The following RHOT1 variants were observed in gnomAD, a reference collection of about 807,000 sequenced individuals.
RHOT1 encodes the protein ras homolog family member T1.
In RHOT1, 27 loss-of-function variants were observed where a neutral mutation model predicts 95.3. The observed-to-expected ratio is 0.28, with a 90% CI of 0.21 to 0.39. The LOEUF (loss-of-function observed/expected upper bound fraction) is 0.39. Among genes scored for constraint, RHOT1 ranks in the 10% least tolerant of loss-of-function variants. The pLI is 1.00. For synonymous variants in RHOT1, 227 were observed against 263.5 expected, an observed-to-expected ratio of 0.86 and a Z score of 1.34; for missense variants, 578 against 786.7, an observed-to-expected ratio of 0.73 and a Z score of 3.17.
chr17:32,173,710 T>TAAAAA, intron 2 of RHOT1, 121 bp from the exon 3 acceptor site: 1 of 589,670 alleles, frequency 1.7e-6, no homozygotes, highest in Non-Finnish European at 2.9e-6. Flanking sequence ...GAGACTCCAT[T>TAAAAA]AAAAAAAAAA....
chr17:32,187,372 GTAGC>G (rs1567695685), intron 8 of RHOT1, among the ~76,000 whole-genome samples: 1 of 151,792 alleles, frequency 6.6e-6, no homozygotes, highest in African/African-American at 2.4e-5. Context: ...AGCCTCCTGA[GTAGC>G]TGGGATTACA....
At chr17:32,214,988 C>T (rs1338470384) in intron 19 of RHOT1, among the ~76,000 whole-genome samples, 1 of 146,034 alleles carries the variant, frequency 6.8e-6, no homozygotes, top group African/African-American at 2.5e-5. Context: ...CTCACTGCAA[C>T]CTCCACCTCC....
At chr17:32,172,910 G>A (rs577515648) in intron 2 of RHOT1, 1 of 152,352 alleles carries the variant, frequency 6.6e-6, no homozygotes, top group African/African-American at 2.4e-5. Context: ...GGAAATGAAT[G>A]TTGATAACCT....
At chr17:32,201,901 GTGTTTGTTTGTT>G (rs35875636) in intron 14 of RHOT1, among the ~76,000 whole-genome samples, 2 of 151,090 alleles carry the variant, frequency 1.3e-5, no homozygotes, top group Non-Finnish European at 2.9e-5. Context: ...TAAGGAGGTT[GTGTTTGTTTGTT>G]TGTTTGTTTG....
chr17:32,206,479 T>TCTTG (rs1310550115), intron 16 of RHOT1, among the ~76,000 whole-genome samples: 4 of 134,536 alleles, frequency 3.0e-5, no homozygotes, highest in Non-Finnish European at 6.3e-5. Flanking sequence ...TGAGACTGAG[T>TCTTG]CTTGCTCTGT....
At chr17:32,177,198 C>T (rs1256227586) in intron 6 of RHOT1, among the ~76,000 whole-genome samples, 1 of 152,038 alleles carries the variant, frequency 6.6e-6, no homozygotes, top group African/African-American at 2.4e-5. Context: ...AGTAGGCTCT[C>T]GTCAGTTGTG....
chr17:32,156,250 G>A (rs933154039), intron 1 of RHOT1, among the ~76,000 whole-genome samples: 2 of 152,122 alleles, frequency 1.3e-5, no homozygotes, highest in African/African-American at 2.4e-5. Flanking sequence ...TATATCTTAC[G>A]TAGTGGTGTG....
At chr17:32,197,285 G>A (rs1471188786) in intron 11 of RHOT1, among the ~76,000 whole-genome samples, 1 of 151,588 alleles carries the variant, frequency 6.6e-6, no homozygotes, top group Non-Finnish European at 1.5e-5. Flanking sequence ...CTGGAGTGCA[G>A]TGGCACAATC....
intron 11 of RHOT1, among the ~76,000 whole-genome samples, chr17:32,194,822 T>C (rs2142782373): frequency 6.6e-6 from 1 of 151,268 alleles, no homozygotes; most frequent in South Asian, 2.1e-4. Flanking sequence ...GTGGTTCTTT[T>C]TCTTTCTTTT....
rs771003615 is a variant in RHOT1, at chr17:32,207,354, A to C, written c.1536+325A>C. On this transcript the variant is annotated intron_variant, in intron 17 of 19. Transcript: ENST00000545287. ...TGAAAAAAAAGAGTAGTACATATGG[A>C]TTATATATTGCCAAATATACCAAGA... is the stretch of plus-strand genomic sequence containing the variant. 106 of 205,352 alleles carry C rather than the reference A, an allele frequency of 5.2e-4. 1 individual carries two copies. Among genetic ancestry groups the C allele is most frequent in the Non-Finnish European group, 8.7e-4 (90 of 103,044 alleles). The allele number at this position is 205,352 out of a possible 1,614,324, so 12.7% of individuals were successfully genotyped here. A position where few individuals can be genotyped will look rare whatever the true frequency, so the allele number is the denominator to read the frequency against.
chr17:32,165,211 C>T (rs1389486120), intron 1 of RHOT1, among the ~76,000 whole-genome samples: 2 of 151,844 alleles, frequency 1.3e-5, no homozygotes, highest in Non-Finnish European at 2.9e-5. Flanking sequence ...GTGGCAGGTG[C>T]CTGTAGTCCC....
At chr17:32,175,818 C>A in intron 4 of RHOT1, 144 bp from the exon 5 acceptor site, 3 of 533,340 alleles carry the variant, frequency 5.6e-6, no homozygotes, top group Non-Finnish European at 6.4e-6. Flanking sequence ...CTCTTAGAGG[C>A]AAGCTAATTC....
chr17:32,211,414 A>C (rs994804029), intron 19 of RHOT1, 176 bp downstream of exon 19: 1 of 463,210 alleles, frequency 2.2e-6, no homozygotes, highest in East Asian at 3.3e-5. Context: ...ATCCTTAATA[A>C]TGTTTTTAAA....
intron 4 of RHOT1, among the ~76,000 whole-genome samples, 162 bp downstream of exon 4, chr17:32,175,524 T>C (rs1024326038): frequency 7.2e-4 from 109 of 152,218 alleles, no homozygotes; most frequent in Non-Finnish European, 1.0e-3. Context: ...TGGCGCAATT[T>C]TGCCTTATCG....
intron 1 of RHOT1, among the ~76,000 whole-genome samples, chr17:32,154,253 C>T (rs1397586829): frequency 6.9e-6 from 1 of 145,882 alleles, no homozygotes; most frequent in East Asian, 2.0e-4. Flanking sequence ...CCAGCCTGGA[C>T]AACATAGGGA....
At chr17:32,200,371 T>TA (rs1329412585) in intron 13 of RHOT1, among the ~76,000 whole-genome samples, 1 of 152,044 alleles carries the variant, frequency 6.6e-6, no homozygotes, top group Non-Finnish European at 1.5e-5. Flanking sequence ...ACTCACCGCT[T>TA]ATGTTTGTAA....
intron 1 of RHOT1, among the ~76,000 whole-genome samples, chr17:32,166,253 TA>T (rs139114730): frequency 0.031 from 4,773 of 151,868 alleles, 255 homozygotes; most frequent in African/African-American, 0.11. Context: ...ATGTAATATC[TA>T]AAAAATGTAC....
intron 8 of RHOT1, among the ~76,000 whole-genome samples, chr17:32,190,237 T>G (rs2036387933): frequency 6.6e-6 from 1 of 151,990 alleles, no homozygotes; most frequent in South Asian, 2.1e-4. Flanking sequence ...AGGCAGATCA[T>G]GAGGTTAGGA....
Position 32,151,111 on chromosome 17 carries a change from C to T in RHOT1, c.37+8382C>T, listed in dbSNP as rs976114683. The T allele has an allele frequency of 2.0e-5, 18 of 905,854 alleles. No homozygotes were observed. In the African/African-American group the frequency reaches 2.1e-4, roughly 11 times the overall value. 56.1% of individuals were successfully genotyped at this position (905,854 alleles called of 1,614,324 possible). The stretch of plus-strand genomic sequence containing the variant: ...AACAGCCAGGTTATCATCTCACATC[C>T]TCTCCAATTTACCATGACACTGGGT... On this transcript the variant is annotated intron_variant, in intron 1 of 19. Transcript: ENST00000545287.
Sources: allele counts gnomAD v4.1 joint callset (sites outside exome capture counted in the v4.1 genomes callset), GRCh38; gene constraint gnomAD v4.1.1; transcripts MANE v1.5; gene names NCBI Gene and HGNC (gene_info 2026-07-23, HGNC 2026-07-21).